The following CYP2B6 variants were observed in gnomAD, a reference collection of about 807,000 sequenced individuals.
CYP2B6 encodes cytochrome P450 2B6.
CYP2B6 carries 35 observed loss-of-function variants against 43.4 expected under a neutral mutation model. That is an observed-to-expected ratio of 0.81 (90% CI 0.62 to 1.07). The LOEUF (loss-of-function observed/expected upper bound fraction) is 1.07. Among genes scored for constraint, CYP2B6 ranks in the 50% least tolerant of loss-of-function variants. The probability of loss-of-function intolerance (pLI) is 0.00; values close to 1 mark genes in which losing one functional copy is unlikely to be tolerated. For missense variants in CYP2B6, 624 were observed against 632.8 expected, an observed-to-expected ratio of 0.99 and a Z score of 0.15; for synonymous variants, 239 against 239.2, an observed-to-expected ratio of 1.00 and a Z score of 0.01.
chr19:40,998,693 C>A (rs199696183), intron 1 of CYP2B6, among the ~76,000 whole-genome samples: 40,808 of 137,604 alleles, frequency 0.3, 6,534 homozygotes, highest in African/African-American at 0.4. Context: ...TTTGTTCTTG[C>A]GATAGTTTAC....
chr19:40,993,799 A>G (rs938865708), intron 1 of CYP2B6, among the ~76,000 whole-genome samples: 3 of 152,170 alleles, frequency 2.0e-5, no homozygotes, highest in African/African-American at 7.2e-5. Context: ...GCCGCATTTT[A>G]AATTAAGTTA....
At chr19:40,996,345 AC>A in intron 1 of CYP2B6, among the ~76,000 whole-genome samples, 1 of 152,310 alleles carries the variant, frequency 6.6e-6, no homozygotes, top group African/African-American at 2.4e-5. Flanking sequence ...TGAAACAAGT[AC>A]CTCTGTCACT....
intron 1 of CYP2B6, among the ~76,000 whole-genome samples, chr19:41,003,000 G>C (rs184395385): frequency 3.0e-4 from 45 of 152,226 alleles, no homozygotes; most frequent in Middle Eastern, 3.4e-3. Context: ...TCTATTGTGA[G>C]AACCCTCACT....
At chr19:41,005,957 A>G (rs754566250) in intron 3 of CYP2B6, among the ~76,000 whole-genome samples, 1 of 152,132 alleles carries the variant, frequency 6.6e-6, no homozygotes, top group Non-Finnish European at 1.5e-5. Context: ...GGCAAGTGAG[A>G]ACCAGAGAGA....
At chr19:40,995,755 A>T (rs1872124) in intron 1 of CYP2B6, among the ~76,000 whole-genome samples, 43,674 of 151,918 alleles carry the variant, frequency 0.29, 6,801 homozygotes, top group South Asian at 0.38. Flanking sequence ...ATAATACCTG[A>T]GACCAAGGGA....
In CYP2B6 at chr19:41,012,434, G is replaced by A. The variant is rs765840824; in HGVS notation, c.1101G>A (p.Val367=). The A allele has an allele frequency of 5.6e-6, 9 of 1,614,058 alleles. No individual in the cohort carries two copies. Among genetic ancestry groups the A allele is most frequent in the South Asian group, 2.2e-5 (2 of 91,080 alleles). ...QRFSDLLPMG[V]PHIVTQHTSF... ...TTTCCGACCTTCTCCCCATGGGTGT[G>A]CCCCACATTGTCACCCAACACACCA... Residue 367 remains valine (V), a synonymous_variant, in exon 7 of 9, where the codon GTG becomes GTA. Transcript: ENST00000324071.
At chr19:41,000,456 C>T (rs1300228744) in intron 1 of CYP2B6, among the ~76,000 whole-genome samples, 1 of 152,168 alleles carries the variant, frequency 6.6e-6, no homozygotes, top group East Asian at 1.9e-4. Context: ...AACTGGCAGT[C>T]GGCCAGGGCC....
intron 1 of CYP2B6, among the ~76,000 whole-genome samples, chr19:41,000,199 C>T (rs1267970967): frequency 6.6e-6 from 1 of 152,070 alleles, no homozygotes; most frequent in Admixed American, 6.5e-5. Flanking sequence ...TTCCTGACCC[C>T]CAGGTCCCCA....
intron 1 of CYP2B6, among the ~76,000 whole-genome samples, chr19:40,996,954 G>T (rs974482338): frequency 6.6e-6 from 1 of 152,086 alleles, no homozygotes; most frequent in Non-Finnish European, 1.5e-5. Flanking sequence ...GGAACTGCAC[G>T]GGGGCACTGT....
At chr19:40,996,331 C>G (rs1338295125) in intron 1 of CYP2B6, among the ~76,000 whole-genome samples, 1 of 152,132 alleles carries the variant, frequency 6.6e-6, no homozygotes, top group African/African-American at 2.4e-5. Flanking sequence ...TACCACTTGT[C>G]TAGTGAAACA....
At chr19:40,999,199 GT>G (rs1392673670) in intron 1 of CYP2B6, among the ~76,000 whole-genome samples, 1 of 152,096 alleles carries the variant, frequency 6.6e-6, no homozygotes, top group Admixed American at 6.6e-5. Context: ...TTTTTCATGT[GT>G]TTTTTGGCTG....
chr19:40,996,539 A>G (rs1969002336), intron 1 of CYP2B6, among the ~76,000 whole-genome samples: 1 of 152,282 alleles, frequency 6.6e-6, no homozygotes, highest in South Asian at 2.1e-4. Context: ...AAGTGCCAGA[A>G]ATATATCACC....
At chr19:40,995,473 T>C (rs1284968636) in intron 1 of CYP2B6, among the ~76,000 whole-genome samples, 1 of 152,164 alleles carries the variant, frequency 6.6e-6, no homozygotes, top group Non-Finnish European at 1.5e-5. Context: ...ACAGTTTGTC[T>C]GGTGTCATTT....
At chr19:41,011,998 G>C (rs2144676299) in intron 6 of CYP2B6, among the ~76,000 whole-genome samples, 1 of 152,146 alleles carries the variant, frequency 6.6e-6, no homozygotes, top group East Asian at 1.9e-4. Flanking sequence ...ACCCAGTCTA[G>C]AGTGCAGTGG....
intron 6 of CYP2B6, among the ~76,000 whole-genome samples, chr19:41,011,484 G>T: frequency 6.6e-6 from 1 of 152,182 alleles, no homozygotes; most frequent in African/African-American, 2.4e-5. Flanking sequence ...TTATTGGTTT[G>T]TTCATTTATT....
intron 1 of CYP2B6, among the ~76,000 whole-genome samples, chr19:41,003,572 T>C (rs1969129077): frequency 6.6e-6 from 1 of 152,174 alleles, no homozygotes; most frequent in African/African-American, 2.4e-5. Context: ...TCGTATTTTA[T>C]CAACCATCTT....
At chr19:41,016,164 G>A (rs8109848) in intron 8 of CYP2B6, among the ~76,000 whole-genome samples, 1 of 151,874 alleles carries the variant, frequency 6.6e-6, no homozygotes, top group Non-Finnish European at 1.5e-5. Context: ...GGGAGGCCAA[G>A]GCAGGTGGAT....
At chr19:41,007,963 T>C (rs2144671826) in intron 4 of CYP2B6, among the ~76,000 whole-genome samples, 1 of 152,140 alleles carries the variant, frequency 6.6e-6, no homozygotes, top group Non-Finnish European at 1.5e-5. Context: ...TCTCAGTCTT[T>C]GGTAAAGCTC....
At chr19:41,003,051 G>A (rs141290615) in intron 1 of CYP2B6, among the ~76,000 whole-genome samples, 201 of 152,126 alleles carry the variant, frequency 1.3e-3, no homozygotes, top group African/African-American at 4.7e-3. Context: ...TATTAAGAAA[G>A]CTTCTGTGAA....
Sources: allele counts gnomAD v4.1 joint callset (sites outside exome capture counted in the v4.1 genomes callset), GRCh38; gene constraint gnomAD v4.1.1; transcripts MANE v1.5; gene names NCBI Gene and HGNC (gene_info 2026-07-23, HGNC 2026-07-21).